STAG1: variants seen among roughly 807,000 people sequenced by gnomAD.
STAG1 encodes the protein cohesin subunit SA-1.
In STAG1, 26 loss-of-function variants were observed where a neutral mutation model predicts 170.9. The observed-to-expected ratio is 0.15, with a 90% CI of 0.11 to 0.21. The LOEUF is 0.21. Ranked by LOEUF, STAG1 falls within the 10% of genes least tolerant of loss-of-function variation. The pLI, the probability that STAG1 is intolerant of heterozygous loss-of-function variation, is 1.00. For synonymous variants in STAG1, 514 were observed against 497.7 expected, an observed-to-expected ratio of 1.03 and a Z score of -0.44; for missense variants, 964 against 1,509.5, an observed-to-expected ratio of 0.64 and a Z score of 5.99.
intron 1 of STAG1, among the ~76,000 whole-genome samples, chr3:136,741,202 A>C (rs1384901354): frequency 6.6e-6 from 1 of 152,210 alleles, no homozygotes; most frequent in African/African-American, 2.4e-5. Flanking sequence ...TGCAGGTTTC[A>C]CCTGGACCTC....
At chr3:136,541,297 G>A (rs968065678) in intron 6 of STAG1, among the ~76,000 whole-genome samples, 1 of 152,048 alleles carries the variant, frequency 6.6e-6, no homozygotes, top group African/African-American at 2.4e-5. Context: ...AAGGCAGATT[G>A]TTAAAACTGG....
intron 1 of STAG1, among the ~76,000 whole-genome samples, chr3:136,661,934 T>G (rs964184981): frequency 6.6e-6 from 1 of 152,164 alleles, no homozygotes; most frequent in Non-Finnish European, 1.5e-5. Context: ...GAACCAATGA[T>G]CTAACTCAGA....
chr3:136,743,212 C>CA (rs1174854736), intron 1 of STAG1, among the ~76,000 whole-genome samples: 3 of 151,770 alleles, frequency 2.0e-5, no homozygotes, highest in African/African-American at 7.3e-5. Flanking sequence ...ACTAAAAATA[C>CA]AAAAAATTAG....
At chr3:136,596,905 T>TCTA (rs1938451398) in intron 4 of STAG1, among the ~76,000 whole-genome samples, 1 of 152,200 alleles carries the variant, frequency 6.6e-6, no homozygotes, top group African/African-American at 2.4e-5. Context: ...AAACCTTGTC[T>TCTA]CTACTAAAAA....
intron 28 of STAG1, among the ~76,000 whole-genome samples, chr3:136,353,930 A>G (rs1378834378): frequency 6.6e-6 from 1 of 152,258 alleles, no homozygotes; most frequent in Admixed American, 6.5e-5. Flanking sequence ...TTGGGTCAAT[A>G]ACATAGAAAT....
rs140348824 is a variant in STAG1, at chr3:136,444,159, C to T, written c.1429-755G>A. 5.4e-3 allele frequency among the ~76,000 whole-genome samples: 828 copies of T among 152,162 alleles called. 9 individuals carry two copies. Among genetic ancestry groups the T allele is most frequent in the African/African-American group, 0.018 (767 of 41,512 alleles). On this transcript the variant is annotated intron_variant, in intron 14 of 33. Coordinates refer to ENST00000383202, the MANE Select transcript of STAG1 (RefSeq NM_005862.3). ...TGTGACCTCAGCTCACTGCAACCTC[C>T]ACCTCCTGCGTTCAAGTGATTCTCC...
chr3:136,548,093 A>G (rs1012800757), intron 5 of STAG1, among the ~76,000 whole-genome samples: 3 of 151,248 alleles, frequency 2.0e-5, no homozygotes, highest in African/African-American at 7.3e-5. Flanking sequence ...GCCTATCTTC[A>G]TACTAGTGCC....
rs1396682506 is a variant in STAG1, at chr3:136,422,974, G to C, written c.1721C>G (p.Thr574Arg). 1 of 1,606,954 alleles carries C rather than the reference G, an allele frequency of 6.2e-7. No homozygotes were observed. The highest frequency in any genetic ancestry group is 2.2e-5 in the East Asian group (1 of 44,654). Residue 574 changes from threonine to arginine, a missense_variant, in exon 17 of 34, where the codon ACA becomes AGA. Physicochemically the swap from Thr to Arg is moderately conservative, Grantham distance 71. Transcript: ENST00000383202. Reference sequence around the variant, plus strand: ...TACCTTTGACAGTAACATAGGAAGTGTAATAATAAAATGTTCAGTCAATTT... The same window carrying C: ...TACCTTTGACAGTAACATAGGAAGTCTAATAATAAAATGTTCAGTCAATTT... Reference protein sequence around the residue: ...RNKLTEHFIITLPMLLSKYSA... With the variant: ...RNKLTEHFIIRLPMLLSKYSA...
intron 5 of STAG1, among the ~76,000 whole-genome samples, chr3:136,558,122 T>C (rs1221027233): frequency 6.6e-6 from 1 of 152,186 alleles, no homozygotes; most frequent in African/African-American, 2.4e-5. Context: ...CCAGGTGCGG[T>C]GGCTCATGCC....
At chr3:136,592,547 T>C (rs955096714) in intron 4 of STAG1, among the ~76,000 whole-genome samples, 2 of 152,178 alleles carry the variant, frequency 1.3e-5, no homozygotes, top group South Asian at 2.1e-4. Flanking sequence ...ACTAATACAC[T>C]TGCCCATATA....
chr3:136,738,588 T>C (rs1258061522), intron 1 of STAG1, among the ~76,000 whole-genome samples: 1 of 152,096 alleles, frequency 6.6e-6, no homozygotes, highest in East Asian at 1.9e-4. Flanking sequence ...GAGGCAGAAG[T>C]TGCAGTGAGC....
intron 7 of STAG1, among the ~76,000 whole-genome samples, chr3:136,511,436 T>C (rs1194653650): frequency 2.0e-5 from 3 of 152,174 alleles, no homozygotes; most frequent in Non-Finnish European, 2.9e-5. Context: ...GAAAATGTGG[T>C]ACATATACAC....
At chr3:136,668,313 CAT>C (rs1262577613) in intron 1 of STAG1, among the ~76,000 whole-genome samples, 7 of 140,786 alleles carry the variant, frequency 5.0e-5, no homozygotes, top group Admixed American at 7.2e-5. Flanking sequence ...TTATACATGA[CAT>C]ATATATTATA....
Position 136,639,115 on chromosome 3 carries a change from C to T in STAG1, c.-83-8134G>A, listed in dbSNP as rs142624104. 2.5e-3 allele frequency among the ~76,000 whole-genome samples: 382 copies of T among 151,302 alleles called. 2 individuals are homozygous for T. The highest frequency in any genetic ancestry group is 9.0e-3 in the African/African-American group (370 of 41,186). ...TGTCAAAATTACAAGTATTTATGTT[C>T]CCATGCATATTATAAGAAAAGTGAG... is the stretch of plus-strand genomic sequence containing the variant. On this transcript the variant is annotated intron_variant, in intron 1 of 33. Transcript: ENST00000383202.
At chr3:136,555,341 A>AAAT (rs561651121) in intron 5 of STAG1, among the ~76,000 whole-genome samples, 71 of 151,372 alleles carry the variant, frequency 4.7e-4, no homozygotes, top group Non-Finnish European at 3.4e-4. Context: ...GCGAGTCTCT[A>AAAT]AATAATAATA....
intron 4 of STAG1, among the ~76,000 whole-genome samples, chr3:136,581,189 C>T (rs1937584474): frequency 1.3e-5 from 2 of 152,152 alleles, no homozygotes; most frequent in South Asian, 2.1e-4. Context: ...TATTGATACA[C>T]TTAGGTCTAT....
In STAG1 at chr3:136,398,795, G is replaced by C; in HGVS notation, c.2231C>G (p.Ser744Trp). ...AATTTTCACCAACTGCCAAAGAATC[G>C]AATAATGGGAACACTGCAGTGCTTG... ...VVQALQCSHY[S>W]ILWQLVKITD... The change falls in exon 22 of 34, where the codon TCG becomes TGG. Residue 744 changes from serine (S) to tryptophan (W), a missense_variant. This residue lies in a region of STAG1 where 232 missense variants were observed against 313.0 expected (regional missense o/e 0.74). Transcript: ENST00000383202. 1 of 1,602,364 alleles carries C rather than the reference G, an allele frequency of 6.2e-7. No individual in the cohort carries two copies. The highest frequency in any genetic ancestry group is 8.5e-7 in the Non-Finnish European group (1 of 1,173,756).
chr3:136,550,560 G>C (rs1403290550), intron 5 of STAG1, among the ~76,000 whole-genome samples: 3 of 152,116 alleles, frequency 2.0e-5, no homozygotes, highest in Non-Finnish European at 4.4e-5. Context: ...ACCTGCCTCA[G>C]CCTCACAAAT....
chr3:136,596,943 C>T (rs1425564923), intron 4 of STAG1, among the ~76,000 whole-genome samples: 2 of 152,064 alleles, frequency 1.3e-5, no homozygotes, highest in Non-Finnish European at 1.5e-5. Flanking sequence ...GGCGTACTGG[C>T]GCATGCCTGT....
Sources: allele counts gnomAD v4.1 joint callset (sites outside exome capture counted in the v4.1 genomes callset), GRCh38; gene constraint gnomAD v4.1.1; regional missense constraint gnomAD v4.1.1; transcripts MANE v1.5; gene names NCBI Gene and HGNC (gene_info 2026-07-23, HGNC 2026-07-21).